MTPN: variants seen among roughly 807,000 people sequenced by gnomAD.
The protein encoded by MTPN is granule cell differentiation protein.
In MTPN, 2 loss-of-function variants were observed where a neutral mutation model predicts 13.5. The ratio of observed to expected loss-of-function variants is 0.15; its 90% CI spans 0.06 to 0.47. The LOEUF (loss-of-function observed/expected upper bound fraction) is 0.47, where lower values mean the gene tolerates loss of function less well. MTPN is among the 20% of genes least tolerant of loss of function. The pLI is 0.97. For synonymous variants in MTPN, 46 were observed against 51.7 expected, an observed-to-expected ratio of 0.89 and a Z score of 0.48; for missense variants, 79 against 137.9, an observed-to-expected ratio of 0.57 and a Z score of 2.14.
At chr7:135,958,869 C>A (rs562160890) in intron 1 of MTPN, among the ~76,000 whole-genome samples, 87 of 152,136 alleles carry the variant, frequency 5.7e-4, no homozygotes, top group African/African-American at 2.0e-3. Context: ...CTGAAACATT[C>A]AAATTTCACT....
intron 1 of MTPN, among the ~76,000 whole-genome samples, chr7:135,973,021 A>C (rs958996360): frequency 6.6e-6 from 1 of 151,426 alleles, no homozygotes; most frequent in African/African-American, 2.4e-5. Flanking sequence ...AAGCAAGCCC[A>C]GATAATAGTG....
At chr7:135,959,852 A>C (rs780330526) in intron 1 of MTPN, among the ~76,000 whole-genome samples, 1 of 151,780 alleles carries the variant, frequency 6.6e-6, no homozygotes, top group Non-Finnish European at 1.5e-5. Context: ...TTTTTTTAAG[A>C]TCAAGATAAA....
Position 135,951,619 on chromosome 7 carries a change from G to A in MTPN, c.84C>T (p.Val28=), listed in dbSNP as rs759869420. The change falls in exon 2 of 4, where the codon GTC becomes GTT. Residue 28 remains valine, a synonymous_variant. Transcript: ENST00000393085. ...VKDYVAKGED[V]NRTLEGGRKP... ...TCCTTCCACCTTCTAGTGTCCGGTT[G>A]ACATCTTCTCCCTGATAAGAAAACC... The A allele has an allele frequency of 6.2e-7, 1 of 1,608,932 alleles. No homozygotes were observed. The highest frequency in any genetic ancestry group is 1.3e-5 in the African/African-American group (1 of 74,794).
intron 1 of MTPN, chr7:135,960,923 G>A (rs1323004518): frequency 6.6e-6 from 1 of 151,912 alleles, no homozygotes; most frequent in East Asian, 1.9e-4. Flanking sequence ...GTCTTAAGAA[G>A]AGAACAGGCA....
chr7:135,972,235 A>T, intron 1 of MTPN, among the ~76,000 whole-genome samples: 1 of 128,540 alleles, frequency 7.8e-6, no homozygotes, highest in South Asian at 2.4e-4. Context: ...GCGCGCGCAC[A>T]CACACACACA....
chr7:135,975,035 A>C (rs1799751262), intron 1 of MTPN, among the ~76,000 whole-genome samples: 1 of 152,214 alleles, frequency 6.6e-6, no homozygotes, highest in African/African-American at 2.4e-5. Context: ...GGATAGTCCA[A>C]CTTTCAATAC....
intron 1 of MTPN, among the ~76,000 whole-genome samples, chr7:135,970,242 A>C (rs1166171068): frequency 4.6e-5 from 7 of 152,212 alleles, no homozygotes; most frequent in African/African-American, 1.7e-4. Context: ...TTTAAGCGGG[A>C]AAAACAGATG....
At chr7:135,974,351 C>A (rs1222529641) in intron 1 of MTPN, among the ~76,000 whole-genome samples, 1 of 152,096 alleles carries the variant, frequency 6.6e-6, no homozygotes, top group African/African-American at 2.4e-5. Context: ...TGAGACCAGC[C>A]TGTACAACAA....
Position 135,946,370 on chromosome 7 carries a change from C to T in MTPN, c.270+4229G>A, listed in dbSNP as rs533005277. Among the ~76,000 whole-genome samples, 6 of 152,336 alleles carry T rather than the reference C, an allele frequency of 3.9e-5. No individual in the cohort carries two copies. The South Asian group carries it at 6.2e-4, about 16-fold the overall frequency. ...ATAAAAGCATCCAGAAGGATACACA[C>T]TCACCTTGTAGCACTTAGGGAAGCA... is the stretch of plus-strand genomic sequence containing the variant. On this transcript the variant is annotated intron_variant, in intron 3 of 3. Transcript: ENST00000393085.
chr7:135,968,741 A>G (rs1267191751), intron 1 of MTPN, among the ~76,000 whole-genome samples: 1 of 151,752 alleles, frequency 6.6e-6, no homozygotes, highest in Non-Finnish European at 1.5e-5. Flanking sequence ...AAAAAAAAAA[A>G]AGCTTAATGC....
intron 1 of MTPN, among the ~76,000 whole-genome samples, chr7:135,963,877 C>A (rs550058812): frequency 9.9e-5 from 15 of 151,966 alleles, no homozygotes; most frequent in African/African-American, 2.7e-4. Context: ...TAAATACACA[C>A]CATTTTTCTT....
chr7:135,960,725 T>C (rs534981912), intron 1 of MTPN: 1 of 151,948 alleles, frequency 6.6e-6, no homozygotes, highest in African/African-American at 2.4e-5. Flanking sequence ...GCAGCACATA[T>C]ACTAAAATTG....
chr7:135,950,178 T>C (rs1416990819), intron 3 of MTPN, among the ~76,000 whole-genome samples: 1 of 152,168 alleles, frequency 6.6e-6, no homozygotes, highest in Non-Finnish European at 1.5e-5. Flanking sequence ...AACAGCAAAC[T>C]ACCTCTAACC....
chr7:135,957,533 C>T (rs928650180), intron 1 of MTPN, among the ~76,000 whole-genome samples: 4 of 151,986 alleles, frequency 2.6e-5, no homozygotes, highest in Non-Finnish European at 2.9e-5. Context: ...AGTGCATGAC[C>T]AGTTTACATC....
chr7:135,927,213 C>G lies in MTPN; in HGVS notation c.*2713G>C. On this transcript the variant is annotated 3_prime_UTR_variant, in exon 4 of 4. Transcript: ENST00000393085. ...AAGATATCAATGAATAAAAGGCCTA[C>G]TTGTTTGCAGCTTCCACACACTGCA... 1 of 1,231,228 alleles carries G rather than the reference C, an allele frequency of 8.1e-7. No homozygotes were observed. The highest frequency in any genetic ancestry group is 2.7e-5 in the East Asian group (1 of 37,208). The allele number at this position is 1,231,228 out of a possible 1,614,324, so 76.3% of individuals were successfully genotyped here.
intron 2 of MTPN, among the ~76,000 whole-genome samples, 170 bp downstream of exon 2, chr7:135,951,347 A>G (rs969326529): frequency 6.6e-6 from 1 of 152,216 alleles, no homozygotes; most frequent in African/African-American, 2.4e-5. Flanking sequence ...CTTATTTTTA[A>G]AAATCCCACC....
In MTPN at chr7:135,927,440, A is replaced by G; in HGVS notation, c.*2486T>C. ...TACTTGATATAGTGCATATGAAATG[A>G]CTGATTTAATACAAAACTACAGAAC... On this transcript the variant is annotated 3_prime_UTR_variant, in exon 4 of 4. Transcript: ENST00000393085. The G allele has an allele frequency of 6.5e-7, 1 of 1,535,350 alleles. No homozygotes were observed. The highest frequency in any genetic ancestry group is 1.2e-5 in the South Asian group (1 of 80,692).
At chr7:135,939,998 TTGTC>T (rs1799183492) in intron 3 of MTPN, among the ~76,000 whole-genome samples, 1 of 152,218 alleles carries the variant, frequency 6.6e-6, no homozygotes, top group Non-Finnish European at 1.5e-5. Context: ...AAATACTATC[TTGTC>T]TAAGTATGTA....
chr7:135,927,681 C>T lies in MTPN; in HGVS notation c.*2245G>A, dbSNP rs541311208. On this transcript the variant is annotated 3_prime_UTR_variant, in exon 4 of 4. Coordinates refer to ENST00000393085, the MANE Select transcript of MTPN (RefSeq NM_145808.4). ...AAAAGAAACTGTGAACCATCTTGGT[C>T]AGTCTATTCTATTCTATGTTTATAT... 2.1e-5 allele frequency: 12 copies of T among 573,494 alleles called. No homozygotes were observed. Among genetic ancestry groups the T allele is most frequent in the South Asian group, 1.9e-4 (12 of 64,234 alleles). 35.5% of individuals were successfully genotyped at this position (573,494 alleles called of 1,614,324 possible). A position where few individuals can be genotyped will look rare whatever the true frequency, so the allele number is the denominator to read the frequency against.
Sources: gnomAD v4.1 joint callset for allele counts (sites outside exome capture counted in the v4.1 genomes callset) on GRCh38, gnomAD v4.1.1 for gene constraint, MANE v1.5 for transcripts, NCBI Gene and HGNC (gene_info 2026-07-23, HGNC 2026-07-21) for gene names.